The following CTNNBL1 variants were observed in gnomAD, a reference collection of about 807,000 sequenced individuals.
The protein encoded by CTNNBL1 is catenin beta like 1, also known as beta-catenin-like protein 1.
Under a neutral mutation model 72.7 loss-of-function variants are expected in CTNNBL1, and 31 were observed. The ratio of observed to expected loss-of-function variants is 0.43; its 90% CI spans 0.32 to 0.58. The LOEUF is 0.58. Ranked by LOEUF, CTNNBL1 falls within the 20% of genes least tolerant of loss-of-function variation. CTNNBL1 has a pLI of 0.08. For missense variants in CTNNBL1, 534 were observed against 725.1 expected, an observed-to-expected ratio of 0.74 and a Z score of 3.03; for synonymous variants, 240 against 267.3, an observed-to-expected ratio of 0.90 and a Z score of 1.00.
intron 1 of CTNNBL1, among the ~76,000 whole-genome samples, chr20:37,718,352 AG>A (rs1424154817): frequency 1.2e-4 from 16 of 136,760 alleles, no homozygotes; most frequent in Non-Finnish European, 2.3e-4. Context: ...ACTTCCCAGT[AG>A]GGGCGGCCGG....
chr20:37,843,454 A>T (rs1347185998), intron 13 of CTNNBL1, among the ~76,000 whole-genome samples: 3 of 152,208 alleles, frequency 2.0e-5, no homozygotes, highest in Admixed American at 6.5e-5. Context: ...GCCTCAGGCC[A>T]GAGTGAGAGA....
intron 15 of CTNNBL1, among the ~76,000 whole-genome samples, chr20:37,865,799 C>T (rs1568818672): frequency 6.6e-6 from 1 of 152,240 alleles, no homozygotes; most frequent in Non-Finnish European, 1.5e-5. Context: ...GGCTGGTTTG[C>T]AGAGAAAATC....
chr20:37,826,246 G>A (rs1050478923), intron 11 of CTNNBL1, among the ~76,000 whole-genome samples: 4 of 152,224 alleles, frequency 2.6e-5, no homozygotes, highest in African/African-American at 9.6e-5. Flanking sequence ...ATACAGTGCT[G>A]TAAATTAGTT....
intron 1 of CTNNBL1, among the ~76,000 whole-genome samples, chr20:37,696,210 G>A (rs929576448): frequency 3.3e-5 from 5 of 152,136 alleles, no homozygotes; most frequent in Admixed American, 6.6e-5. Context: ...AGCATCTGGT[G>A]GGAAGTTACA....
At chr20:37,729,513 C>T (rs2073111909) in intron 1 of CTNNBL1, among the ~76,000 whole-genome samples, 1 of 151,456 alleles carries the variant, frequency 6.6e-6, no homozygotes, top group South Asian at 2.1e-4. Flanking sequence ...TTAACTGTGG[C>T]AATATTTAGC....
intron 10 of CTNNBL1, among the ~76,000 whole-genome samples, chr20:37,791,008 T>C (rs1276464114): frequency 3.3e-5 from 5 of 152,254 alleles, no homozygotes; most frequent in African/African-American, 1.2e-4. Flanking sequence ...AATGGAGTCA[T>C]ACAGTGTGTT....
intron 1 of CTNNBL1, among the ~76,000 whole-genome samples, chr20:37,720,555 A>G (rs931391616): frequency 6.6e-6 from 1 of 152,222 alleles, no homozygotes; most frequent in African/African-American, 2.4e-5. Context: ...GAAAAACAGA[A>G]AAATAGTTTT....
At chr20:37,842,014 G>A (rs1018166941) in intron 12 of CTNNBL1, among the ~76,000 whole-genome samples, 1 of 152,220 alleles carries the variant, frequency 6.6e-6, no homozygotes, top group South Asian at 2.1e-4. Context: ...CTCTTGGCAA[G>A]AAGGGACTTG....
intron 1 of CTNNBL1, among the ~76,000 whole-genome samples, chr20:37,716,311 A>C (rs886502183): frequency 5.9e-5 from 9 of 152,154 alleles, no homozygotes; most frequent in Non-Finnish European, 1.2e-4. Flanking sequence ...CCTTGAGAGA[A>C]TGTTGTGATG....
chr20:37,822,126 T>C (rs1367370479), intron 11 of CTNNBL1, among the ~76,000 whole-genome samples: 1 of 152,244 alleles, frequency 6.6e-6, no homozygotes, highest in East Asian at 1.9e-4. Flanking sequence ...CTGTATTTTC[T>C]GCTTCCTGTG....
At chr20:37,731,068 G>A (rs1177263009) in intron 1 of CTNNBL1, among the ~76,000 whole-genome samples, 1 of 152,008 alleles carries the variant, frequency 6.6e-6, no homozygotes, top group Non-Finnish European at 1.5e-5. Flanking sequence ...TTACAGTCTG[G>A]AATGATTACA....
intron 4 of CTNNBL1, among the ~76,000 whole-genome samples, chr20:37,755,757 T>G (rs1347979877): frequency 2.0e-5 from 3 of 152,230 alleles, no homozygotes; most frequent in Non-Finnish European, 2.9e-5. Flanking sequence ...TTCTGACCTT[T>G]GTTGAATCTT....
chr20:37,819,071 G>A (rs1390256590), intron 11 of CTNNBL1, among the ~76,000 whole-genome samples: 2 of 152,060 alleles, frequency 1.3e-5, no homozygotes, highest in Non-Finnish European at 2.9e-5. Context: ...TTGTGTAGGG[G>A]CTTTTAGAGA....
chr20:37,862,129 G>A (rs2072496498), intron 15 of CTNNBL1, among the ~76,000 whole-genome samples: 1 of 115,232 alleles, frequency 8.7e-6, no homozygotes, highest in Admixed American at 9.1e-5. Flanking sequence ...GATGGACACA[G>A]CCCCACTCAT....
chr20:37,789,544 T>G (rs530083626), intron 10 of CTNNBL1, among the ~76,000 whole-genome samples: 1 of 152,280 alleles, frequency 6.6e-6, no homozygotes, highest in African/African-American at 2.4e-5. Flanking sequence ...CATTTTAGAA[T>G]TAGTCAGGAA....
At chr20:37,842,741 C>T (rs538317929) in intron 13 of CTNNBL1, among the ~76,000 whole-genome samples, 1 of 152,268 alleles carries the variant, frequency 6.6e-6, no homozygotes, top group South Asian at 2.1e-4. Context: ...GTTGGCAGAG[C>T]ATGTCTTAGT....
At chr20:37,795,112 C>G (rs1251133255) in intron 10 of CTNNBL1, among the ~76,000 whole-genome samples, 2 of 150,616 alleles carry the variant, frequency 1.3e-5, no homozygotes, top group African/African-American at 2.4e-5. Flanking sequence ...GTTTTCATCA[C>G]AGGTGGAAAT....
Position 37,779,201 on chromosome 20 carries a change from C to T in CTNNBL1, c.897C>T (p.His299=), listed in dbSNP as rs1427328086. The T allele has an allele frequency of 8.1e-6, 13 of 1,613,326 alleles. No individual in the cohort carries two copies. The highest frequency in any genetic ancestry group is 1.1e-5 in the South Asian group (1 of 91,048). Residue 299 remains histidine (H), a synonymous_variant, in exon 10 of 16, where the codon CAC becomes CAT. Coordinates refer to ENST00000361383, the MANE Select transcript of CTNNBL1 (RefSeq NM_030877.5). ...TTGCTTGACAGGTGTTTAAAAGACACAATCCCAGCACGGCTGAGGAGCAGG... is the reference window on the plus strand; with the variant it reads ...TTGCTTGACAGGTGTTTAAAAGACATAATCCCAGCACGGCTGAGGAGCAGG... ...LLQQLSVFKR[H]NPSTAEEQEM... is the part of the protein sequence containing the mutation.
chr20:37,738,417 A>G (rs1038607621), intron 3 of CTNNBL1, among the ~76,000 whole-genome samples: 1 of 152,252 alleles, frequency 6.6e-6, no homozygotes, highest in African/African-American at 2.4e-5. Flanking sequence ...TTGGTGCACT[A>G]TGAAGTGCTA....
Sources: gnomAD v4.1 joint callset for allele counts (sites outside exome capture counted in the v4.1 genomes callset) on GRCh38, gnomAD v4.1.1 for gene constraint, MANE v1.5 for transcripts, NCBI Gene and HGNC (gene_info 2026-07-23, HGNC 2026-07-21) for gene names.